MCM9: variants seen among roughly 807,000 people sequenced by gnomAD.
The protein encoded by MCM9 is minichromosome maintenance 9 homologous recombination repair factor, also known as DNA helicase MCM9.
In MCM9, 55 loss-of-function variants were observed where a neutral mutation model predicts 72.8. The observed-to-expected ratio is 0.76, with a 90% confidence interval of 0.61 to 0.95. The LOEUF is 0.95. Among genes scored for constraint, MCM9 ranks in the 40% least tolerant of loss-of-function variants. The probability of loss-of-function intolerance (pLI) is 0.00; values close to 1 mark genes in which losing one functional copy is unlikely to be tolerated. For synonymous variants in MCM9, 480 were observed against 503.4 expected (o/e 0.95, Z 0.62); for missense variants, 1,279 against 1,377.0 (o/e 0.93, Z 1.13).
At chr6:118,915,828 A>G (rs545355700) in intron 6 of MCM9, among the ~76,000 whole-genome samples, 1 of 152,192 alleles carries the variant, frequency 6.6e-6, no homozygotes, top group Non-Finnish European at 1.5e-5. Context: ...AGACTATTAT[A>G]TTTACTTCTG....
Position 118,932,655 on chromosome 6 carries a change from T to C in MCM9, c.-64A>G, listed in dbSNP as rs1483056537. ...TCTGACATGAATAATTAACAGACTG[T>C]CCTTAGAAATTCATACTTGGAAGTG... On this transcript the variant is annotated 5_prime_UTR_variant, in exon 2 of 14. Coordinates refer to ENST00000619706, the MANE Select transcript of MCM9 (RefSeq NM_017696.3). 8.2e-6 allele frequency: 8 copies of C among 976,860 alleles called. No individual in the cohort carries two copies. 60.5% of individuals were successfully genotyped at this position (976,860 alleles called of 1,614,324 possible).
rs564725676 is a variant in MCM9 at position 118,851,003 on chromosome 6, C to T, written c.1325+5368G>A. On this transcript the variant is annotated intron_variant, in intron 9 of 13. Coordinates refer to ENST00000619706, the MANE Select transcript of MCM9 (RefSeq NM_017696.3). ...TTGGCTGTTTTTTTGTTTTTTGTATCGAGATGGGGGTCTTGCCATCTTGCT... is the reference window on the plus strand; with the variant it reads ...TTGGCTGTTTTTTTGTTTTTTGTATTGAGATGGGGGTCTTGCCATCTTGCT... Among the ~76,000 whole-genome samples the T allele has an allele frequency of 1.4e-4, 21 of 151,412 alleles. 1 individual carries two copies. Among genetic ancestry groups the T allele is most frequent in the African/African-American group, 4.6e-4 (19 of 41,008 alleles).
intron 8 of MCM9, among the ~76,000 whole-genome samples, chr6:118,871,485 T>C (rs1229520380): frequency 1.3e-5 from 2 of 152,110 alleles, no homozygotes; most frequent in Non-Finnish European, 2.9e-5. Flanking sequence ...CTCAACACAA[T>C]AAAGGCCATC....
chr6:118,897,193 T>G (rs1442329410), intron 8 of MCM9, among the ~76,000 whole-genome samples: 4 of 152,170 alleles, frequency 2.6e-5, no homozygotes, highest in African/African-American at 7.2e-5. Context: ...GCCTCAAGTC[T>G]CAAAGCAGAG....
chr6:118,924,732 A>G (rs897713622), intron 3 of MCM9, among the ~76,000 whole-genome samples: 1 of 152,208 alleles, frequency 6.6e-6, no homozygotes, highest in Non-Finnish European at 1.5e-5. Context: ...ACATTAAAAA[A>G]CAGGCAACAG....
chr6:118,924,366 T>C (rs1781700049), intron 3 of MCM9, among the ~76,000 whole-genome samples: 1 of 152,162 alleles, frequency 6.6e-6, no homozygotes, highest in African/African-American at 2.4e-5. Flanking sequence ...GAGTAGACCA[T>C]GTTTTAAAGC....
intron 8 of MCM9, among the ~76,000 whole-genome samples, chr6:118,878,576 G>A (rs1291743993): frequency 6.6e-6 from 1 of 151,956 alleles, no homozygotes; most frequent in African/African-American, 2.4e-5. Flanking sequence ...ACAAAGAAAA[G>A]GGAATAGAAT....
chr6:118,825,508 G>A (rs767338116), intron 13 of MCM9, among the ~76,000 whole-genome samples: 8 of 151,976 alleles, frequency 5.3e-5, no homozygotes, highest in Non-Finnish European at 7.4e-5. Context: ...ACCAGACCCC[G>A]GCTTTGAGAC....
intron 5 of MCM9, chr6:118,918,619 A>G (rs1583665603): frequency 6.6e-6 from 1 of 152,190 alleles, no homozygotes; most frequent in African/African-American, 2.4e-5. Flanking sequence ...GTGGGCCAAA[A>G]ACAAACATGA....
At position 118,924,075 on chromosome 6, in the gene MCM9, A is replaced by T; in HGVS notation, c.357T>A (p.Asp119Glu). ...LVREHIPKTK[D>E]VGHFLSVTGT... is the part of the protein sequence containing the mutation. ...CAGTGACAGATAAAAAGTGTCCCACATCCTTGGTTTTAGGTATGTGTTCCC... is the reference window on the plus strand; with the variant it reads ...CAGTGACAGATAAAAAGTGTCCCACTTCCTTGGTTTTAGGTATGTGTTCCC... Residue 119 changes from aspartate (D) to glutamate (E), a missense_variant, in exon 4 of 14, where the codon GAT (aspartate) becomes GAA (glutamate). Physicochemically the swap from Asp to Glu is conservative, Grantham distance 45 (BLOSUM62 2). Transcript: ENST00000619706. 6.2e-7 allele frequency: 1 copy of T among 1,614,224 alleles called. No homozygotes were observed. Among genetic ancestry groups the T allele is most frequent in the South Asian group, 1.1e-5 (1 of 91,088 alleles).
intron 9 of MCM9, among the ~76,000 whole-genome samples, chr6:118,847,439 AAG>A (rs1491446274): frequency 0.049 from 7,257 of 146,972 alleles, 258 homozygotes; most frequent in East Asian, 0.17. Flanking sequence ...AAAAAAAAAA[AAG>A]AAATTAACAT....
intron 13 of MCM9, among the ~76,000 whole-genome samples, chr6:118,822,406 G>T (rs941461031): frequency 2.6e-5 from 4 of 152,130 alleles, no homozygotes; most frequent in African/African-American, 9.7e-5. Context: ...TTTGCTAGAG[G>T]TCCACTCCAG....
intron 5 of MCM9, 132 bp from the exon 6 acceptor site, chr6:118,917,893 A>G: frequency 1.4e-6 from 1 of 724,106 alleles, no homozygotes; most frequent in South Asian, 1.8e-5. Context: ...ACTCATCCAG[A>G]AAACAATTCA....
At chr6:118,867,790 A>G (rs915338068) in intron 8 of MCM9, among the ~76,000 whole-genome samples, 5 of 152,152 alleles carry the variant, frequency 3.3e-5, no homozygotes, top group Admixed American at 2.0e-4. Context: ...CCCATTGTAA[A>G]GTGATATATG....
At chr6:118,878,031 G>A (rs1388388595) in intron 8 of MCM9, among the ~76,000 whole-genome samples, 2 of 152,020 alleles carry the variant, frequency 1.3e-5, no homozygotes, top group African/African-American at 2.4e-5. Context: ...GCATGGTGGT[G>A]CATGACTGTA....
chr6:118,826,950 T>C, intron 11 of MCM9, 86 bp from the exon 12 acceptor site: 1 of 1,024,322 alleles, frequency 9.8e-7, no homozygotes, highest in Non-Finnish European at 1.5e-6. Flanking sequence ...ACCATTTGTA[T>C]TTTATGAATG....
At chr6:118,875,584 C>T (rs1225391630) in intron 8 of MCM9, among the ~76,000 whole-genome samples, 14 of 151,878 alleles carry the variant, frequency 9.2e-5, no homozygotes, top group African/African-American at 3.4e-4. Context: ...TGCAGTGAGC[C>T]ATGTTCATAC....
chr6:118,829,061 G>C lies in MCM9; in HGVS notation c.1515C>G (p.Ile505Met). Reference protein sequence around the residue: ...EDWDRIISSFILENKGYPSKS... With the variant: ...EDWDRIISSFMLENKGYPSKS... Reference sequence around the variant, plus strand: ...GTCTTCACGTACCTTTATTTTCTAAGATAAAGGAGGAAATGATACGATCCC... The same window carrying C: ...GTCTTCACGTACCTTTATTTTCTAACATAAAGGAGGAAATGATACGATCCC... Residue 505 changes from isoleucine (I) to methionine (M), a missense_variant, in exon 10 of 14, where the codon ATC becomes ATG. By Grantham distance (10) the Ile-to-Met change is conservative. Coordinates refer to ENST00000619706, the MANE Select transcript of MCM9 (RefSeq NM_017696.3). 6.5e-7 allele frequency: 1 copy of C among 1,550,368 alleles called. No individual in the cohort carries two copies. Among genetic ancestry groups the C allele is most frequent in the Non-Finnish European group, 8.7e-7 (1 of 1,146,774 alleles).
rs749879110 is a variant in MCM9 at position 118,923,852 on chromosome 6, T to G, written c.580A>C (p.Thr194Pro). Residue 194 changes from threonine to proline, a missense_variant, in exon 4 of 14, where the codon ACC (threonine) becomes CCC (proline). Physicochemically the swap from Thr to Pro is conservative, Grantham distance 38. Transcript: ENST00000619706. The stretch of plus-strand genomic sequence containing the variant: ...ATTTCCTGGTAATCTCTACACCTGG[T>G]TGGAGACGAAGACAAGCCTGAGAGG... Reference protein sequence around the residue: ...TCLSGLSSSPTRCRDYQEIKI... With the variant: ...TCLSGLSSSPPRCRDYQEIKI... 4 of 1,614,200 alleles carry G rather than the reference T, an allele frequency of 2.5e-6. No homozygotes were observed. The Admixed American group carries it at 6.7e-5, about 27-fold the overall frequency.
Sources: allele counts gnomAD v4.1 joint callset (sites outside exome capture counted in the v4.1 genomes callset), GRCh38; gene constraint gnomAD v4.1.1; transcripts MANE v1.5; gene names NCBI Gene and HGNC (gene_info 2026-07-23, HGNC 2026-07-21).